NDRG4: variants seen among roughly 807,000 people sequenced by gnomAD.
NDRG4 encodes the protein protein NDRG4.
Under a neutral mutation model 55.8 loss-of-function variants are expected in NDRG4, and 38 were observed. The observed-to-expected ratio is 0.68, with a 90% CI of 0.53 to 0.89. The LOEUF (loss-of-function observed/expected upper bound fraction) is 0.89, where lower values mean the gene tolerates loss of function less well. Ranked by LOEUF, NDRG4 falls within the 40% of genes least tolerant of loss-of-function variation. The pLI, the probability that NDRG4 is intolerant of heterozygous loss-of-function variation, is 0.00. For synonymous variants in NDRG4, 190 were observed against 182.7 expected (o/e 1.04, Z -0.32); for missense variants, 455 against 468.6 (o/e 0.97, Z 0.27).
At chr16:58,499,884 G>A (rs898529981), upstream of NDRG4, 4 of 414,296 alleles carry the variant, frequency 9.7e-6, no homozygotes, top group South Asian at 4.3e-5. Context: ...AGCTGTTGGC[G>A]TGTGCCTATG....
chr16:58,478,697 G>GTTTTTTTTTTTT (rs59525801), intron 1 of NDRG4, among the ~76,000 whole-genome samples: 3 of 137,728 alleles, frequency 2.2e-5, no homozygotes, highest in Admixed American at 7.4e-5. Flanking sequence ...TTTGTTTTTT[G>GTTTTTTTTTTTT]TTTTTTTTTT....
At chr16:58,484,107 A>G (rs1310199366) in intron 1 of NDRG4, among the ~76,000 whole-genome samples, 2 of 151,886 alleles carry the variant, frequency 1.3e-5, no homozygotes, top group African/African-American at 4.8e-5. Context: ...GAACAAACAA[A>G]AAAGGTCATT....
At chr16:58,501,813 C>T (rs1206502080) in intron 1 of NDRG4, 1 of 356,572 alleles carries the variant, frequency 2.8e-6, no homozygotes, top group South Asian at 2.0e-5. Flanking sequence ...GACAGTGGGG[C>T]CTCCTCAGCA....
intron 5 of NDRG4, chr16:58,505,842 C>G: frequency 5.1e-6 from 1 of 196,512 alleles, no homozygotes; most frequent in South Asian, 7.9e-5. Flanking sequence ...CTGCCTCAGC[C>G]TCCTAAGTAG....
At chr16:58,468,248 G>T (rs2032091639) in intron 1 of NDRG4, among the ~76,000 whole-genome samples, 1 of 152,196 alleles carries the variant, frequency 6.6e-6, no homozygotes, top group Admixed American at 6.5e-5. Context: ...ATGAATGCTT[G>T]TCGAGGCCAT....
intron 2 of NDRG4, chr16:58,494,940 C>CA: frequency 6.2e-7 from 1 of 1,613,026 alleles, no homozygotes; most frequent in Non-Finnish European, 8.5e-7. Flanking sequence ...TAACTTGCCA[C>CA]CCCCTCTGTT....
chr16:58,502,135 G>T, intron 1 of NDRG4: 1 of 417,884 alleles, frequency 2.4e-6, no homozygotes, highest in African/African-American at 2.0e-5. Context: ...CCCTACTCTG[G>T]GATTGACCTT....
intron 1 of NDRG4, among the ~76,000 whole-genome samples, chr16:58,483,092 T>A (rs1218681926): frequency 6.6e-6 from 1 of 152,028 alleles, no homozygotes; most frequent in Non-Finnish European, 1.5e-5. Context: ...AGCCCCCCAG[T>A]GTATTTTCAA....
At chr16:58,514,440 CTGAG>C (rs1258003963), downstream of NDRG4, among the ~76,000 whole-genome samples, 1 of 151,564 alleles carries the variant, frequency 6.6e-6, no homozygotes, top group Non-Finnish European at 1.5e-5. Flanking sequence ...AAGGATTTGC[CTGAG>C]TAACAGACCA....
chr16:58,473,943 C>T (rs78737501), intron 1 of NDRG4, among the ~76,000 whole-genome samples: 1,679 of 152,030 alleles, frequency 0.011, 32 homozygotes, highest in African/African-American at 0.038. Context: ...AGCACTCCAA[C>T]GCTTACCACC....
exon 1 of NDRG4, chr16:58,463,797 G>C (rs2030976247): frequency 6.6e-6 from 1 of 151,530 alleles, no homozygotes; most frequent in South Asian, 2.0e-4. Flanking sequence ...GCATCTCCGC[G>C]GTGAGTCGGC....
intron 1 of NDRG4, among the ~76,000 whole-genome samples, chr16:58,467,654 G>A (rs2031944110): frequency 6.6e-6 from 1 of 152,182 alleles, no homozygotes; most frequent in South Asian, 2.1e-4. Flanking sequence ...CCCTGAGCCG[G>A]GAGTTGTCCC....
chr16:58,471,975 C>T (rs1282643929), intron 1 of NDRG4, among the ~76,000 whole-genome samples: 1 of 152,152 alleles, frequency 6.6e-6, no homozygotes, highest in African/African-American at 2.4e-5. Context: ...ACCCTGTGCA[C>T]CCCAAATTGT....
upstream of NDRG4, chr16:58,499,676 C>CT (rs1449021021): frequency 6.3e-6 from 1 of 157,544 alleles, no homozygotes; most frequent in Admixed American, 6.0e-5. Flanking sequence ...AGATGTTGGG[C>CT]TTGGGGCCCT....
intron 1 of NDRG4, among the ~76,000 whole-genome samples, chr16:58,481,465 T>TGTGC (rs377747705): frequency 4.1e-4 from 62 of 152,132 alleles, no homozygotes; most frequent in African/African-American, 1.5e-3. Context: ...TGCGTGTGTG[T>TGTGC]GTGCGCGCGC....
At chr16:58,496,947 T>C (rs984835429), upstream of NDRG4, 3 of 152,210 alleles carry the variant, frequency 2.0e-5, no homozygotes, top group Non-Finnish European at 4.4e-5. Context: ...ATTGGAATGA[T>C]ACAGAGAAGA....
intron 14 of NDRG4, 24 bp downstream of exon 14, chr16:58,510,707 A>C (rs1161593129): frequency 8.5e-6 from 13 of 1,534,738 alleles, no homozygotes; most frequent in Non-Finnish European, 1.1e-5. Context: ...CCTTCCCCTG[A>C]TGCATGGACG....
At chr16:58,492,508 G>A (rs1041279505) in intron 2 of NDRG4, among the ~76,000 whole-genome samples, 1 of 80,370 alleles carries the variant, frequency 1.2e-5, no homozygotes, top group Non-Finnish European at 2.9e-5. Context: ...GTGTGTGTGT[G>A]TGTGTGTGTG....
intron 1 of NDRG4, among the ~76,000 whole-genome samples, chr16:58,465,979 C>T (rs2031585431): frequency 6.6e-6 from 1 of 152,172 alleles, no homozygotes; most frequent in African/African-American, 2.4e-5. Flanking sequence ...AACTTGTTAA[C>T]CCCCTGGAGG....
Sources: gnomAD v4.1 joint callset for allele counts (sites outside exome capture counted in the v4.1 genomes callset) on GRCh38, gnomAD v4.1.1 for gene constraint, MANE v1.5 for transcripts, NCBI Gene and HGNC (gene_info 2026-07-23, HGNC 2026-07-21) for gene names.